The following KIAA1328 variants were observed in gnomAD, a reference collection of about 807,000 sequenced individuals.
KIAA1328 encodes protein hinderin.
A neutral mutation model predicts 68.1 loss-of-function variants in KIAA1328; 52 were observed. That is an observed-to-expected ratio of 0.76 (90% CI 0.61 to 0.96). The LOEUF (loss-of-function observed/expected upper bound fraction) is 0.96, where lower values mean the gene tolerates loss of function less well. KIAA1328 is among the 40% of genes least tolerant of loss of function. The pLI is 0.00. For synonymous variants in KIAA1328, 232 were observed against 239.4 expected, an observed-to-expected ratio of 0.97 and a Z score of 0.28; for missense variants, 641 against 677.6, an observed-to-expected ratio of 0.95 and a Z score of 0.60.
intron 6 of KIAA1328, among the ~76,000 whole-genome samples, chr18:37,057,790 C>T (rs547095695): frequency 5.9e-5 from 9 of 152,206 alleles, no homozygotes; most frequent in African/African-American, 2.2e-4. Context: ...AACACAGATA[C>T]AACCATTGTC....
rs570350078 is a variant in KIAA1328, at chr18:37,098,073, C to T, written c.1232+30528C>T. Among the ~76,000 whole-genome samples the T allele has an allele frequency of 1.5e-4, 23 of 152,266 alleles. No homozygotes were observed. The East Asian group carries it at 2.9e-3, about 19-fold the overall frequency. On this transcript the variant is annotated intron_variant, in intron 7 of 9. Transcript: ENST00000280020. ...AATTGAATACCCTTCATTTCCTTCT[C>T]GTGCCTGATTGCTCTGGCCAGAACT...
intron 5 of KIAA1328, among the ~76,000 whole-genome samples, chr18:36,936,970 T>C (rs2050523028): frequency 1.3e-5 from 2 of 152,162 alleles, no homozygotes; most frequent in African/African-American, 4.8e-5. Context: ...ACTACAAGGC[T>C]ACAGTAACCA....
chr18:36,850,113 T>A (rs2047163495), intron 4 of KIAA1328, among the ~76,000 whole-genome samples: 1 of 152,128 alleles, frequency 6.6e-6, no homozygotes, highest in Non-Finnish European at 1.5e-5. Context: ...TTATCAGATG[T>A]ATGCTTTACA....
At chr18:37,091,931 T>C (rs1250843317) in intron 7 of KIAA1328, among the ~76,000 whole-genome samples, 2 of 152,062 alleles carry the variant, frequency 1.3e-5, no homozygotes, top group Non-Finnish European at 2.9e-5. Context: ...ATGGCAACCT[T>C]GCTTCCTCCA....
intron 3 of KIAA1328, among the ~76,000 whole-genome samples, chr18:36,838,023 G>A (rs960761529): frequency 6.6e-6 from 1 of 152,102 alleles, no homozygotes; most frequent in African/African-American, 2.4e-5. Flanking sequence ...TTGGGTCCCA[G>A]TGTTTCCATA....
chr18:37,025,395 T>A (rs2054529847), intron 6 of KIAA1328, among the ~76,000 whole-genome samples: 1 of 152,132 alleles, frequency 6.6e-6, no homozygotes. Context: ...TACAGAACTC[T>A]CCACCCCAAA....
chr18:36,896,482 A>C (rs1238657529), intron 5 of KIAA1328, among the ~76,000 whole-genome samples: 1 of 152,166 alleles, frequency 6.6e-6, no homozygotes, highest in Non-Finnish European at 1.5e-5. Flanking sequence ...GTGACACTGC[A>C]GTTCAAATAA....
intron 8 of KIAA1328, among the ~76,000 whole-genome samples, chr18:37,169,574 T>C (rs779949049): frequency 6.6e-6 from 1 of 152,118 alleles, no homozygotes; most frequent in Non-Finnish European, 1.5e-5. Context: ...TCCATGAATA[T>C]GCATAACTGT....
At position 36,887,469 on chromosome 18, in the gene KIAA1328, TG is replaced by T. The variant is rs554355223; in HGVS notation, c.448+1799del. On this transcript the variant is annotated intron_variant, in intron 5 of 9. Coordinates refer to ENST00000280020, the MANE Select transcript of KIAA1328 (RefSeq NM_020776.3). ...TTACAATTCTCTCAGGTTTTTTTAA[TG>T]GTTGCTCCAATTCTAGGCATTACAT... Among the ~76,000 whole-genome samples, 25 of 152,254 alleles carry T rather than the reference TG, an allele frequency of 1.6e-4. No homozygotes were observed. The East Asian group carries it at 4.8e-3, about 29-fold the overall frequency.
chr18:36,969,728 C>T (rs773558318), intron 6 of KIAA1328, among the ~76,000 whole-genome samples: 1 of 152,130 alleles, frequency 6.6e-6, no homozygotes, highest in Non-Finnish European at 1.5e-5. Context: ...GGTAGCATTC[C>T]TACTGAAACG....
chr18:37,216,976 TTTGTTTTTTTTTTG>T (rs2060452612), intron 9 of KIAA1328, among the ~76,000 whole-genome samples: 2 of 139,584 alleles, frequency 1.4e-5, no homozygotes, highest in African/African-American at 2.9e-5. Context: ...CTGCTTTTTT[TTTGTTTTTTTTTTG>T]TTTGTTTTTT....
chr18:36,868,876 A>G (rs2047846670), intron 4 of KIAA1328, among the ~76,000 whole-genome samples: 1 of 152,140 alleles, frequency 6.6e-6, no homozygotes, highest in Admixed American at 6.5e-5. Flanking sequence ...AAAGTGTAGC[A>G]CCATTACTTT....
At chr18:37,143,521 C>CTTTTTTTTTTTTTTTTTTT (rs57046567) in intron 7 of KIAA1328, among the ~76,000 whole-genome samples, 198 of 90,776 alleles carry the variant, frequency 2.2e-3, no homozygotes, top group East Asian at 4.5e-3. Context: ...TTTTTTCTTT[C>CTTTTTTTTTTTTTTTTTTT]TTTTTTTTTT....
chr18:36,990,699 T>G (rs1157334662), intron 6 of KIAA1328, among the ~76,000 whole-genome samples: 2 of 151,744 alleles, frequency 1.3e-5, no homozygotes, highest in Non-Finnish European at 2.9e-5. Context: ...TATTTGTGTT[T>G]TTTTCTAATT....
Position 37,223,528 on chromosome 18 carries a change from T to C in KIAA1328, c.*1301T>C. 2 of 985,362 alleles carry C rather than the reference T, an allele frequency of 2.0e-6. No individual in the cohort carries two copies. Among genetic ancestry groups the C allele is most frequent in the Non-Finnish European group, 2.4e-6 (2 of 829,912 alleles). 61.0% of individuals were successfully genotyped at this position (985,362 alleles called of 1,614,324 possible). ...GGGAGGGTGTGTTCCCAGATGTGTA[T>C]TACTTGGGAATTTTATTTGATCTGG... On this transcript the variant is annotated 3_prime_UTR_variant, in exon 10 of 10. Transcript: ENST00000280020.
intron 7 of KIAA1328, among the ~76,000 whole-genome samples, chr18:37,106,819 TTAAG>T (rs1457708915): frequency 3.3e-5 from 5 of 152,216 alleles, no homozygotes; most frequent in Admixed American, 1.3e-4. Context: ...CCAAAACGAA[TTAAG>T]TGTCACTAAG....
At chr18:36,890,282 C>T (rs1313912876) in intron 5 of KIAA1328, among the ~76,000 whole-genome samples, 1 of 147,342 alleles carries the variant, frequency 6.8e-6, no homozygotes, top group Non-Finnish European at 1.5e-5. Context: ...TGGTATGAAA[C>T]TTAACTTGGC....
At chr18:36,907,276 T>G (rs1341663484) in intron 5 of KIAA1328, among the ~76,000 whole-genome samples, 3 of 152,096 alleles carry the variant, frequency 2.0e-5, no homozygotes, top group Non-Finnish European at 4.4e-5. Flanking sequence ...GTATGCTTTT[T>G]ATTTCTTTTT....
chr18:36,980,504 T>G (rs1357714748), intron 6 of KIAA1328, among the ~76,000 whole-genome samples: 2 of 152,194 alleles, frequency 1.3e-5, no homozygotes, highest in African/African-American at 2.4e-5. Context: ...CAGTGGCATG[T>G]CGTATGGCTG....
Sources: allele counts gnomAD v4.1 joint callset (sites outside exome capture counted in the v4.1 genomes callset), GRCh38; gene constraint gnomAD v4.1.1; transcripts MANE v1.5; gene names NCBI Gene and HGNC (gene_info 2026-07-23, HGNC 2026-07-21).